The following NTRK2 variants were observed in gnomAD, a reference collection of about 807,000 sequenced individuals.
The protein encoded by NTRK2 is neurotrophic receptor tyrosine kinase 2.
A neutral mutation model predicts 94.5 loss-of-function variants in NTRK2; 13 were observed. The ratio of observed to expected loss-of-function variants is 0.14; its 90% CI spans 0.09 to 0.22. The LOEUF is 0.22. NTRK2 is among the 10% of genes least tolerant of loss of function. The probability of loss-of-function intolerance (pLI) is 1.00; values close to 1 mark genes in which losing one functional copy is unlikely to be tolerated. For missense variants in NTRK2, 639 were observed against 1,071.2 expected, an observed-to-expected ratio of 0.60 and a Z score of 5.63; for synonymous variants, 372 against 407.4, an observed-to-expected ratio of 0.91 and a Z score of 1.05.
chr9:85,026,645 T>C lies in NTRK2; in HGVS notation c.*5208T>C, dbSNP rs1833047999. On this transcript the variant is annotated 3_prime_UTR_variant, in exon 19 of 19. Coordinates refer to ENST00000277120, the MANE Select transcript of NTRK2 (RefSeq NM_006180.6). ...ATTACCTATGACTTACAAATCTGCC[T>C]GGAGATGTGGACATTCTGCATTTGC... 1 of 232,896 alleles carries C rather than the reference T, an allele frequency of 4.3e-6. No homozygotes were observed. The highest frequency in any genetic ancestry group is 1.8e-4 in the South Asian group (1 of 5,528). 14.4% of individuals were successfully genotyped at this position (232,896 alleles called of 1,614,324 possible).
intron 15 of NTRK2, among the ~76,000 whole-genome samples, chr9:84,946,452 C>T (rs751055952): frequency 6.6e-6 from 1 of 152,162 alleles, no homozygotes; most frequent in African/African-American, 2.4e-5. Flanking sequence ...ACAGCCTGTA[C>T]CAGAGATAAG....
At chr9:84,774,410 G>C (rs1026599046) in intron 12 of NTRK2, among the ~76,000 whole-genome samples, 1 of 152,132 alleles carries the variant, frequency 6.6e-6, no homozygotes, top group African/African-American at 2.4e-5. Flanking sequence ...ACTTTGTCTC[G>C]CTTAGTTTTA....
intron 12 of NTRK2, among the ~76,000 whole-genome samples, chr9:84,803,559 G>C (rs571427686): frequency 2.0e-5 from 3 of 152,176 alleles, no homozygotes; most frequent in Non-Finnish European, 4.4e-5. Context: ...GATACCCTCC[G>C]TGGGTCTGGG....
intron 9 of NTRK2, among the ~76,000 whole-genome samples, chr9:84,737,408 T>C (rs534450975): frequency 1.3e-5 from 2 of 152,206 alleles, no homozygotes; most frequent in African/African-American, 4.8e-5. Flanking sequence ...GTTTAGAAGA[T>C]GGAAATAAAA....
chr9:84,921,889 G>C (rs1474637271), intron 14 of NTRK2, among the ~76,000 whole-genome samples: 3 of 152,178 alleles, frequency 2.0e-5, no homozygotes, highest in Non-Finnish European at 4.4e-5. Flanking sequence ...GGCTGCCCAA[G>C]AGAATGGGAC....
At chr9:84,972,811 A>G (rs1253946045) in intron 17 of NTRK2, among the ~76,000 whole-genome samples, 1 of 152,222 alleles carries the variant, frequency 6.6e-6, no homozygotes, top group Non-Finnish European at 1.5e-5. Context: ...TTATTCAGAC[A>G]ATTAAAATAA....
chr9:84,697,381 A>G lies in NTRK2; in HGVS notation c.213-4778A>G, dbSNP rs1026759064. On this transcript the variant is annotated intron_variant, in intron 2 of 18. Transcript: ENST00000277120. ...TAGGTTAGAGGAGTTTGAGGTTGTCATGGAGAGAAATCTCCTGGTTGGGGT... is the reference window on the plus strand; with the variant it reads ...TAGGTTAGAGGAGTTTGAGGTTGTCGTGGAGAGAAATCTCCTGGTTGGGGT... Among the ~76,000 whole-genome samples, 15 of 152,208 alleles carry G rather than the reference A, an allele frequency of 9.9e-5. 1 individual carries two copies. The highest frequency in any genetic ancestry group is 9.2e-4 in the Admixed American group (14 of 15,276).
intron 16 of NTRK2, among the ~76,000 whole-genome samples, chr9:84,954,628 A>G (rs931191248): frequency 6.6e-6 from 1 of 152,230 alleles, no homozygotes; most frequent in Non-Finnish European, 1.5e-5. Context: ...GAGAATGAAC[A>G]TCCAGATTGA....
Position 85,024,389 on chromosome 9 carries a change from A to G in NTRK2, c.*2952A>G, listed in dbSNP as rs1832928860. The stretch of plus-strand genomic sequence containing the variant: ...ATAACAGTGACAAACCTAATTCTCT[A>G]GCCCAAACCTGGTCTGACAATCATT... On this transcript the variant is annotated 3_prime_UTR_variant, in exon 19 of 19. Coordinates refer to ENST00000277120, the MANE Select transcript of NTRK2 (RefSeq NM_006180.6). The G allele has an allele frequency of 4.3e-6, 1 of 233,012 alleles. No homozygotes were observed. Among genetic ancestry groups the G allele is most frequent in the African/African-American group, 2.2e-5 (1 of 45,338 alleles). The allele number at this position is 233,012 out of a possible 1,614,324, so 14.4% of individuals were successfully genotyped here.
intron 16 of NTRK2, among the ~76,000 whole-genome samples, chr9:84,951,252 C>T (rs893147436): frequency 6.6e-6 from 1 of 152,178 alleles, no homozygotes; most frequent in African/African-American, 2.4e-5. Context: ...TATTCTGAGA[C>T]AATCTTGATG....
chr9:84,826,211 T>G (rs929807507), intron 12 of NTRK2, among the ~76,000 whole-genome samples: 1 of 152,108 alleles, frequency 6.6e-6, no homozygotes, highest in Non-Finnish European at 1.5e-5. Context: ...AGTGAGGTGT[T>G]GACAGGGTTG....
Position 85,026,368 on chromosome 9 carries a change from T to A in NTRK2, c.*4931T>A, listed in dbSNP as rs907573711. ...ATCCTGAGTGGAGGTTAGCTGAACG[T>A]TCAATGTACTGGAGCAAGCATCATA... On this transcript the variant is annotated 3_prime_UTR_variant, in exon 19 of 19. Coordinates refer to ENST00000277120, the MANE Select transcript of NTRK2 (RefSeq NM_006180.6). 1.3e-5 allele frequency: 3 copies of A among 231,820 alleles called. No homozygotes were observed. The Admixed American group carries it at 1.7e-4, about 13-fold the overall frequency. 14.4% of individuals were successfully genotyped at this position (231,820 alleles called of 1,614,324 possible).
chr9:84,916,879 C>A (rs770673293), intron 14 of NTRK2, among the ~76,000 whole-genome samples: 4 of 152,188 alleles, frequency 2.6e-5, no homozygotes, highest in Non-Finnish European at 5.9e-5. Context: ...TTTACGGTGA[C>A]ATCTATTAAG....
intron 12 of NTRK2, among the ~76,000 whole-genome samples, chr9:84,826,442 A>G (rs1025985903): frequency 2.0e-5 from 3 of 152,180 alleles, no homozygotes; most frequent in African/African-American, 7.2e-5. Context: ...TAACATTTGC[A>G]AAGGCCCTTA....
rs535769425 is a variant in NTRK2, at chr9:84,885,362, C to T, written c.1633+17931C>T. On this transcript the variant is annotated intron_variant, in intron 14 of 18. Coordinates refer to ENST00000277120, the MANE Select transcript of NTRK2 (RefSeq NM_006180.6). ...CCTGAAACATAGTCTCCAGCTATTA[C>T]GTGTTTTTTTGAAGAATGGCTATCA... 9.9e-5 allele frequency among the ~76,000 whole-genome samples: 15 copies of T among 152,236 alleles called. No homozygotes were observed. In the South Asian group the frequency reaches 1.5e-3, roughly 15 times the overall value.
At chr9:84,678,841 T>A (rs896661422) in intron 2 of NTRK2, among the ~76,000 whole-genome samples, 19 of 152,232 alleles carry the variant, frequency 1.2e-4, no homozygotes, top group African/African-American at 4.3e-4. Context: ...ACTCAAAGAA[T>A]GTTATAGATG....
Position 85,024,092 on chromosome 9 carries a change from AG to A in NTRK2, c.*2656del. 4.4e-6 allele frequency: 1 copy of A among 229,752 alleles called. No homozygotes were observed. The highest frequency in any genetic ancestry group is 1.8e-4 in the South Asian group (1 of 5,486). The allele number at this position is 229,752 out of a possible 1,614,324, so 14.2% of individuals were successfully genotyped here. On this transcript the variant is annotated 3_prime_UTR_variant, in exon 19 of 19. Transcript: ENST00000277120. ...AATAAAAGGTTCTATGCAAGTGCAAAGTTTTATAGTTATTTTTATTGCTGAT... is the reference window on the plus strand; with the variant it reads ...AATAAAAGGTTCTATGCAAGTGCAAATTTTATAGTTATTTTTATTGCTGAT...
intron 10 of NTRK2, 52 bp from the exon 11 acceptor site, chr9:84,744,921 C>T (rs2132374936): frequency 3.2e-6 from 4 of 1,247,946 alleles, no homozygotes; most frequent in Admixed American, 1.7e-5. Flanking sequence ...TGTTTGTTGG[C>T]AGCTTAATGA....
chr9:84,887,724 C>G (rs1036965819), intron 14 of NTRK2, among the ~76,000 whole-genome samples: 2 of 152,190 alleles, frequency 1.3e-5, no homozygotes, highest in African/African-American at 4.8e-5. Context: ...ATAGACATCT[C>G]CAGCAGGACC....
Sources: allele counts gnomAD v4.1 joint callset (sites outside exome capture counted in the v4.1 genomes callset), GRCh38; gene constraint gnomAD v4.1.1; transcripts MANE v1.5; gene names NCBI Gene and HGNC (gene_info 2026-07-23, HGNC 2026-07-21).